Variants in UGT1A3 observed in about 807,000 individuals in gnomAD.
The protein encoded by UGT1A3 is UDP glucuronosyltransferase family 1 member A3.
In UGT1A3, 31 loss-of-function variants were observed where a neutral mutation model predicts 41.0. The ratio of observed to expected loss-of-function variants is 0.76; its 90% CI spans 0.57 to 1.02. UGT1A3 has a LOEUF of 1.02. Ranked by LOEUF, UGT1A3 falls within the 50% of genes least tolerant of loss-of-function variation. The pLI is 0.00. For synonymous variants in UGT1A3, 262 were observed against 257.6 expected (o/e 1.02, Z -0.17); for missense variants, 737 against 671.0 (o/e 1.10, Z -1.09).
At chr2:233,760,638 A>G (rs752920136) in intron 1 of UGT1A3, 10 of 1,614,086 alleles carry the variant, frequency 6.2e-6, no homozygotes, top group African/African-American at 1.3e-5. Context: ...AGAAAATAAA[A>G]AAGGACTCTG....
chr2:233,745,639 G>T (rs182919627), intron 1 of UGT1A3, among the ~76,000 whole-genome samples: 1 of 151,500 alleles, frequency 6.6e-6, no homozygotes, highest in South Asian at 2.1e-4. Context: ...AAAGCTGGCC[G>T]AGGGTAGAGT....
At position 233,729,216 on chromosome 2, in the gene UGT1A3, G is replaced by C; in HGVS notation, c.90G>C (p.Lys30Asn). ...TCCAGCCCTGGGCTGAGAGTGGAAA[G>C]GTGTTGGTGGTGCCCATTGATGGCA... ...LSVQPWAESG[K>N]VLVVPIDGSH... The change falls in exon 1 of 5, where the codon AAG becomes AAC. Residue 30 changes from lysine (K) to asparagine (N), a missense_variant. Physicochemically the swap from Lys to Asn is moderately conservative, Grantham distance 94 (BLOSUM62 0). Coordinates refer to ENST00000482026, the MANE Select transcript of UGT1A3 (RefSeq NM_019093.4). 1 of 1,614,144 alleles carries C rather than the reference G, an allele frequency of 6.2e-7. No homozygotes were observed. Among genetic ancestry groups the C allele is most frequent in the Non-Finnish European group, 8.5e-7 (1 of 1,179,972 alleles).
chr2:233,748,109 G>A (rs1215169809), intron 1 of UGT1A3: 2 of 1,612,198 alleles, frequency 1.2e-6, no homozygotes, highest in African/African-American at 1.3e-5. Context: ...TCCAATCAAT[G>A]TTCCAGGCAA....
intron 1 of UGT1A3, among the ~76,000 whole-genome samples, chr2:233,739,476 A>T (rs913646200): frequency 6.6e-6 from 1 of 152,224 alleles, no homozygotes; most frequent in African/African-American, 2.4e-5. Flanking sequence ...AGACCGTGGG[A>T]GCCCATTTCT....
chr2:233,759,141 G>A (rs766249806), intron 1 of UGT1A3, among the ~76,000 whole-genome samples: 1 of 152,222 alleles, frequency 6.6e-6, no homozygotes, highest in Non-Finnish European at 1.5e-5. Context: ...CGCAATGAAG[G>A]TGAGTTCCAC....
intron 1 of UGT1A3, chr2:233,743,255 C>T: frequency 2.3e-6 from 1 of 438,832 alleles, no homozygotes; most frequent in Middle Eastern, 3.5e-4. Flanking sequence ...CTCAACTCTC[C>T]ATCTTCCTCC....
chr2:233,747,446 A>G (rs1037579291), intron 1 of UGT1A3: 7 of 1,608,790 alleles, frequency 4.4e-6, no homozygotes, highest in Admixed American at 3.3e-5. Flanking sequence ...TCACCCTGAC[A>G]ACCTATGCCA....
At chr2:233,748,018 T>C in intron 1 of UGT1A3, 1 of 1,613,548 alleles carries the variant, frequency 6.2e-7, no homozygotes, top group East Asian at 2.2e-5. Context: ...CCCAGGCCGA[T>C]CATGCCCAAC....
At chr2:233,742,511 A>C (rs1428333329) in intron 1 of UGT1A3, among the ~76,000 whole-genome samples, 6 of 151,858 alleles carry the variant, frequency 4.0e-5, no homozygotes, top group Non-Finnish European at 2.9e-5. Flanking sequence ...TATCATGAAC[A>C]CGTCACAGTG....
chr2:233,746,259 AC>A (rs1176427332), intron 1 of UGT1A3, among the ~76,000 whole-genome samples: 1 of 151,746 alleles, frequency 6.6e-6, no homozygotes, highest in African/African-American at 2.4e-5. Context: ...GCAGAACAGA[AC>A]AAAACGCTGT....
rs1040596623 is a variant in UGT1A3, at chr2:233,743,965, G to C, written c.867+13972G>C. ...CAGGCACTGGCACAGCGAGCGGCAA[G>C]GCTGCCAGCACCCAGGCGCAGGCCC... On this transcript the variant is annotated intron_variant, in intron 1 of 4. Transcript: ENST00000482026. 3 of 1,330,116 alleles carry C rather than the reference G, an allele frequency of 2.3e-6. No homozygotes were observed. The African/African-American group carries it at 4.5e-5, about 20-fold the overall frequency. 82.4% of individuals were successfully genotyped at this position (1,330,116 alleles called of 1,614,324 possible). A position where few individuals can be genotyped will look rare whatever the true frequency, so the allele number is the denominator to read the frequency against.
rs1697459307 is a variant in UGT1A3, at chr2:233,760,471, C to T, written c.868-6563C>T. The T allele has an allele frequency of 7.4e-6, 12 of 1,614,210 alleles. No individual in the cohort carries two copies. The highest frequency in any genetic ancestry group is 1.0e-5 in the Non-Finnish European group (12 of 1,180,040). ...GGGACATGAAATAGTTGTCCTAGCA[C>T]CTGACGCCTCGTTGTACATCAGAGA... On this transcript the variant is annotated intron_variant, in intron 1 of 4. Coordinates refer to ENST00000482026, the MANE Select transcript of UGT1A3 (RefSeq NM_019093.4).
At chr2:233,733,588 G>A (rs965491373) in intron 1 of UGT1A3, among the ~76,000 whole-genome samples, 3 of 152,178 alleles carry the variant, frequency 2.0e-5, no homozygotes, top group African/African-American at 7.2e-5. Flanking sequence ...CATTGGTTCT[G>A]TTTATGTGAT....
At chr2:233,744,288 T>C (rs1457237548) in intron 1 of UGT1A3, among the ~76,000 whole-genome samples, 5 of 151,784 alleles carry the variant, frequency 3.3e-5, no homozygotes, top group Non-Finnish European at 7.4e-5. Context: ...TATCAGTCTT[T>C]TTCCTCGGCC....
chr2:233,735,217 A>G (rs1317592719), intron 1 of UGT1A3, among the ~76,000 whole-genome samples: 1 of 152,114 alleles, frequency 6.6e-6, no homozygotes, highest in African/African-American at 2.4e-5. Context: ...GTGCATATAT[A>G]TTTAGGATAG....
chr2:233,747,973 T>C, intron 1 of UGT1A3: 1 of 1,613,528 alleles, frequency 6.2e-7, no homozygotes, highest in East Asian at 2.2e-5. Flanking sequence ...CATGCATCTG[T>C]GTGGCTGTTC....
intron 1 of UGT1A3, among the ~76,000 whole-genome samples, chr2:233,753,965 T>C (rs1263394667): frequency 6.6e-6 from 1 of 152,232 alleles, no homozygotes; most frequent in East Asian, 1.9e-4. Flanking sequence ...ATTAAGAGAA[T>C]AACGTGTGTT....
rs1420145173 is a variant in UGT1A3, at chr2:233,729,184, C to T, written c.58C>T (p.Leu20Phe). 1 of 1,613,974 alleles carries T rather than the reference C, an allele frequency of 6.2e-7. No homozygotes were observed. Among genetic ancestry groups the T allele is most frequent in the East Asian group, 2.2e-5 (1 of 44,884 alleles). ...PWLATGLLLL[L>F]SVQPWAESGK... ...GCTGGCCACAGGACTGCTGCTTCTC[C>T]TCAGTGTCCAGCCCTGGGCTGAGAG... Residue 20 changes from leucine to phenylalanine, a missense_variant, in exon 1 of 5, where the codon CTC (leucine) becomes TTC (phenylalanine). Coordinates refer to ENST00000482026, the MANE Select transcript of UGT1A3 (RefSeq NM_019093.4).
intron 1 of UGT1A3, among the ~76,000 whole-genome samples, chr2:233,732,534 T>G (rs1352796772): frequency 6.6e-6 from 1 of 152,222 alleles, no homozygotes; most frequent in East Asian, 1.9e-4. Context: ...ATATGGCCAG[T>G]TTTCCCAGCA....
Sources: allele counts gnomAD v4.1 joint callset (sites outside exome capture counted in the v4.1 genomes callset), GRCh38; gene constraint gnomAD v4.1.1; transcripts MANE v1.5; gene names NCBI Gene and HGNC (gene_info 2026-07-23, HGNC 2026-07-21).